Variants in MRTFA observed in about 807,000 individuals in gnomAD.
The protein encoded by MRTFA is myocardin-related transcription factor A.
MRTFA carries 20 observed loss-of-function variants against 83.5 expected under a neutral mutation model. That is an observed-to-expected ratio of 0.24 (90% CI 0.17 to 0.35). The LOEUF (loss-of-function observed/expected upper bound fraction) is 0.35, where lower values mean the gene tolerates loss of function less well. Among genes scored for constraint, MRTFA ranks in the 10% least tolerant of loss-of-function variants. The pLI is 1.00. For missense variants in MRTFA, 1,200 were observed against 1,224.7 expected, an observed-to-expected ratio of 0.98 and a Z score of 0.30; for synonymous variants, 659 against 541.2, an observed-to-expected ratio of 1.22 and a Z score of -3.02.
chr22:40,436,691 G>A (rs1326559628), intron 4 of MRTFA, among the ~76,000 whole-genome samples: 2 of 150,568 alleles, frequency 1.3e-5, no homozygotes, highest in Non-Finnish European at 2.9e-5. Flanking sequence ...GAGGATGAGA[G>A]GGAAAGGCCT....
intron 4 of MRTFA, among the ~76,000 whole-genome samples, chr22:40,456,628 A>C (rs990262610): frequency 6.6e-6 from 1 of 152,240 alleles, no homozygotes; most frequent in East Asian, 1.9e-4. Flanking sequence ...CAGAGGTTGC[A>C]GTGAGCTGAG....
At chr22:40,635,712 G>A (rs2147460262) in intron 1 of MRTFA, among the ~76,000 whole-genome samples, 1 of 152,252 alleles carries the variant, frequency 6.6e-6, no homozygotes, top group Admixed American at 6.5e-5. Flanking sequence ...CCTTACTATG[G>A]GCCAAGCACT....
chr22:40,451,414 A>G (rs2053484017), intron 4 of MRTFA, among the ~76,000 whole-genome samples: 1 of 152,176 alleles, frequency 6.6e-6, no homozygotes, highest in Non-Finnish European at 1.5e-5. Context: ...TTCTTCATAC[A>G]CATCCTGTTT....
chr22:40,560,103 G>C (rs1193003983), intron 2 of MRTFA, among the ~76,000 whole-genome samples: 1 of 152,076 alleles, frequency 6.6e-6, no homozygotes, highest in Non-Finnish European at 1.5e-5. Context: ...CTATACTATA[G>C]AATAAAATCC....
chr22:40,624,425 C>CAA lies in MRTFA; in HGVS notation c.-84+12051_-84+12052dup, dbSNP rs35882157. Among the ~76,000 whole-genome samples, 454 of 62,678 alleles carry CAA rather than the reference C, an allele frequency of 7.2e-3. 8 individuals carry two copies. The highest frequency in any genetic ancestry group is 0.023 in the African/African-American group (438 of 19,380). 41.1% of individuals were successfully genotyped at this position (62,678 alleles called of 152,430 possible). A position where few individuals can be genotyped will look rare whatever the true frequency, so the allele number is the denominator to read the frequency against. On this transcript the variant is annotated intron_variant, in intron 1 of 14. Transcript: ENST00000355630. ...TGGGCAACAGAGCGAGACTCCAACT[C>CAA]AAAAAAAAAAAAAAAAAAAGATTAA...
At chr22:40,543,576 TCAA>T (rs567205122) in intron 3 of MRTFA, among the ~76,000 whole-genome samples, 40 of 152,092 alleles carry the variant, frequency 2.6e-4, no homozygotes, top group Admixed American at 7.9e-4. Context: ...ATATCTGAGA[TCAA>T]CAACAACATT....
intron 7 of MRTFA, among the ~76,000 whole-genome samples, chr22:40,425,261 A>G (rs1198615126): frequency 6.6e-6 from 1 of 151,492 alleles, no homozygotes; most frequent in Non-Finnish European, 1.5e-5. Context: ...GGCTATTTCA[A>G]GAGTCACTGT....
In MRTFA at chr22:40,540,283, G is replaced by A. The variant is rs140792018; in HGVS notation, c.241+11823C>T. On this transcript the variant is annotated intron_variant, in intron 3 of 14. Transcript: ENST00000355630. ...CTTGAGCACTGTGCTCCTCCTCTTC[G>A]GCCTTGTTTCTACTAAAAACCATCC... Among the ~76,000 whole-genome samples, 359 of 152,136 alleles carry A rather than the reference G, an allele frequency of 2.4e-3. 2 individuals are homozygous for A. Among genetic ancestry groups the A allele is most frequent in the African/African-American group, 8.3e-3 (345 of 41,496 alleles).
intron 14 of MRTFA, chr22:40,412,215 A>C: frequency 4.9e-6 from 1 of 204,178 alleles, no homozygotes; most frequent in Non-Finnish European, 9.7e-6. Flanking sequence ...TGATATACAA[A>C]TGGCCAACAG....
In MRTFA at chr22:40,591,446, G is replaced by A. The variant is rs562788837; in HGVS notation, c.-22+3228C>T. Among the ~76,000 whole-genome samples, 26 of 152,284 alleles carry A rather than the reference G, an allele frequency of 1.7e-4. No individual in the cohort carries two copies. The East Asian group carries it at 4.6e-3, about 27-fold the overall frequency. On this transcript the variant is annotated intron_variant, in intron 2 of 14. Transcript: ENST00000355630. ...ATAAGAAACTAATATATAAAGAAGA[G>A]GAGGAAAGAAGACGTGCAATACGCA...
At chr22:40,425,769 G>A (rs1569257769) in intron 7 of MRTFA, among the ~76,000 whole-genome samples, 1 of 152,220 alleles carries the variant, frequency 6.6e-6, no homozygotes. Flanking sequence ...AGCCAGTACT[G>A]ACAACGGTGA....
chr22:40,434,932 A>T (rs916415314), intron 5 of MRTFA, among the ~76,000 whole-genome samples: 1 of 152,110 alleles, frequency 6.6e-6, no homozygotes, highest in Non-Finnish European at 1.5e-5. Context: ...CAGAGTTGGG[A>T]TGGGGACGCA....
At chr22:40,490,598 C>CAA (rs35001108) in intron 3 of MRTFA, among the ~76,000 whole-genome samples, 1 of 128,706 alleles carries the variant, frequency 7.8e-6, no homozygotes, top group Non-Finnish European at 1.7e-5. Flanking sequence ...GATTCCATCT[C>CAA]AAAAAAAAAA....
At chr22:40,584,259 T>G (rs1197609746) in intron 2 of MRTFA, among the ~76,000 whole-genome samples, 1 of 152,128 alleles carries the variant, frequency 6.6e-6, no homozygotes, top group Non-Finnish European at 1.5e-5. Context: ...CTCAGAAGGG[T>G]TGTAAGCAAT....
chr22:40,618,873 G>GA (rs1309254548), intron 1 of MRTFA, among the ~76,000 whole-genome samples: 1 of 151,728 alleles, frequency 6.6e-6, no homozygotes, highest in African/African-American at 2.4e-5. Context: ...TGGGGTGGGA[G>GA]AATCTCGAAC....
At chr22:40,563,541 G>A (rs901311064) in intron 2 of MRTFA, among the ~76,000 whole-genome samples, 1 of 149,456 alleles carries the variant, frequency 6.7e-6, no homozygotes, top group African/African-American at 2.5e-5. Context: ...TTCTGTCCCA[G>A]GTATAAATAC....
In MRTFA at chr22:40,481,550, T is replaced by C. The variant is rs562271236; in HGVS notation, c.242-18264A>G. Among the ~76,000 whole-genome samples the C allele has an allele frequency of 9.3e-4, 142 of 152,210 alleles. 1 individual carries two copies. In the Middle Eastern group the frequency reaches 0.02, roughly 22 times the overall value. ...GGAGTACATTATGTGAAGAAAAATA[T>C]AGTGGAACAAGAGAACAGAGAGTGA... is the stretch of plus-strand genomic sequence containing the variant. On this transcript the variant is annotated intron_variant, in intron 3 of 14. Coordinates refer to ENST00000355630, the MANE Select transcript of MRTFA (RefSeq NM_020831.6).
At chr22:40,526,310 G>A (rs1469858497) in intron 3 of MRTFA, 1 of 152,212 alleles carries the variant, frequency 6.6e-6, no homozygotes, top group Non-Finnish European at 1.5e-5. Context: ...TGGGATTATA[G>A]GTGTGAGCCA....
intron 4 of MRTFA, among the ~76,000 whole-genome samples, chr22:40,458,173 T>C (rs1178692079): frequency 1.3e-5 from 2 of 152,306 alleles, no homozygotes; most frequent in South Asian, 4.1e-4. Context: ...CCTCAAGATA[T>C]GTGCGAGACA....
Sources: gnomAD v4.1 joint callset for allele counts (sites outside exome capture counted in the v4.1 genomes callset) on GRCh38, gnomAD v4.1.1 for gene constraint, MANE v1.5 for transcripts, NCBI Gene and HGNC (gene_info 2026-07-23, HGNC 2026-07-21) for gene names.